The following SLC13A3 variants were observed in gnomAD, a reference collection of about 807,000 sequenced individuals.
SLC13A3 encodes solute carrier family 13 member 3, also known as Na(+)/dicarboxylate cotransporter 3.
A neutral mutation model predicts 59.0 loss-of-function variants in SLC13A3; 40 were observed. The observed-to-expected ratio is 0.68, with a 90% CI of 0.53 to 0.88. The LOEUF (loss-of-function observed/expected upper bound fraction) is 0.88. Among genes scored for constraint, SLC13A3 ranks in the 40% least tolerant of loss-of-function variants. SLC13A3 has a pLI of 0.00. For missense variants in SLC13A3, 699 were observed against 783.2 expected, an observed-to-expected ratio of 0.89 and a Z score of 1.28; for synonymous variants, 317 against 330.3, an observed-to-expected ratio of 0.96 and a Z score of 0.44.
intron 4 of SLC13A3, among the ~76,000 whole-genome samples, chr20:46,599,755 T>G (rs1357882661): frequency 6.6e-6 from 1 of 152,190 alleles, no homozygotes; most frequent in Non-Finnish European, 1.5e-5. Flanking sequence ...AGGGATTTAA[T>G]GTGCTGCCCT....
At chr20:46,659,825 G>T (rs1431681553) in intron 1 of SLC13A3, among the ~76,000 whole-genome samples, 1 of 149,518 alleles carries the variant, frequency 6.7e-6, no homozygotes, top group African/African-American at 2.5e-5. Context: ...TACTTTTATT[G>T]TCTTTTTAAA....
intron 1 of SLC13A3, among the ~76,000 whole-genome samples, chr20:46,657,341 C>G (rs2063000993): frequency 6.6e-6 from 1 of 151,524 alleles, no homozygotes. Context: ...CCACTGCATT[C>G]CAGCCTGGAT....
At chr20:46,599,910 C>A in intron 4 of SLC13A3, 61 bp downstream of exon 4, 1 of 1,307,832 alleles carries the variant, frequency 7.6e-7, no homozygotes, top group South Asian at 1.5e-5. Context: ...GCATTGAATT[C>A]TTGTTCATCA....
chr20:46,593,988 G>A (rs964204478), intron 5 of SLC13A3, among the ~76,000 whole-genome samples: 2 of 151,950 alleles, frequency 1.3e-5, no homozygotes, highest in Admixed American at 6.6e-5. Flanking sequence ...CCAATAAAAT[G>A]TATTTTGGCA....
At chr20:46,593,887 C>T (rs1037346472) in intron 5 of SLC13A3, among the ~76,000 whole-genome samples, 8 of 152,106 alleles carry the variant, frequency 5.3e-5, no homozygotes, top group Admixed American at 1.3e-4. Context: ...GTTAAAATAT[C>T]GACAGTGGGA....
chr20:46,559,808 C>T lies in SLC13A3; in HGVS notation c.*214G>A. On this transcript the variant is annotated 3_prime_UTR_variant, in exon 13 of 13. Coordinates refer to ENST00000279027, the MANE Select transcript of SLC13A3 (RefSeq NM_022829.6). ...GGAGCTTATTTCTCAGGCAGCAGAT[C>T]TGAGAGATACCTGGGCTTTGAACTG... 1.9e-6 allele frequency: 1 copy of T among 529,300 alleles called. No homozygotes were observed. The highest frequency in any genetic ancestry group is 1.9e-5 in the African/African-American group (1 of 52,900). 32.8% of individuals were successfully genotyped at this position (529,300 alleles called of 1,614,324 possible). A position where few individuals can be genotyped will look rare whatever the true frequency, so the allele number is the denominator to read the frequency against.
chr20:46,627,524 A>G (rs1347832310), intron 1 of SLC13A3, among the ~76,000 whole-genome samples: 1 of 152,120 alleles, frequency 6.6e-6, no homozygotes. Context: ...GGGTCCCGTG[A>G]TGCCAGCTCT....
At chr20:46,655,015 G>C (rs2062974072), upstream of SLC13A3, among the ~76,000 whole-genome samples, 1 of 152,104 alleles carries the variant, frequency 6.6e-6, no homozygotes, top group Non-Finnish European at 1.5e-5. Context: ...ATGGTCTCTG[G>C]TGAAAAATCT....
At chr20:46,644,066 C>T (rs1468151377) in intron 1 of SLC13A3, among the ~76,000 whole-genome samples, 1 of 152,060 alleles carries the variant, frequency 6.6e-6, no homozygotes, top group African/African-American at 2.4e-5. Flanking sequence ...AAAATAAAAA[C>T]ATTGATGACC....
intron 9 of SLC13A3, among the ~76,000 whole-genome samples, chr20:46,578,988 C>A (rs571762115): frequency 6.6e-6 from 1 of 152,248 alleles, no homozygotes; most frequent in East Asian, 1.9e-4. Context: ...ATTTGAATGA[C>A]CACAAAGGGT....
At chr20:46,620,670 G>T (rs1204645950) in intron 1 of SLC13A3, among the ~76,000 whole-genome samples, 1 of 152,074 alleles carries the variant, frequency 6.6e-6, no homozygotes, top group African/African-American at 2.4e-5. Flanking sequence ...ACATGGATCT[G>T]CAAGGAAAAA....
At chr20:46,590,585 A>T (rs1190916341) in intron 6 of SLC13A3, among the ~76,000 whole-genome samples, 3 of 152,216 alleles carry the variant, frequency 2.0e-5, no homozygotes, top group African/African-American at 7.2e-5. Flanking sequence ...CAAACCTATG[A>T]AAAGTTGCCC....
chr20:46,675,588 A>G (rs1378717428), intron 1 of SLC13A3, among the ~76,000 whole-genome samples: 2 of 128,710 alleles, frequency 1.6e-5, no homozygotes, highest in African/African-American at 3.0e-5. Context: ...TAGTTTGTTT[A>G]ATTTTGTTTT....
intron 1 of SLC13A3, among the ~76,000 whole-genome samples, chr20:46,666,347 T>C (rs922968740): frequency 6.6e-6 from 1 of 152,208 alleles, no homozygotes; most frequent in Non-Finnish European, 1.5e-5. Context: ...AGAAAAGGGT[T>C]TGGAGTCAGA....
chr20:46,619,080 T>C (rs1008420832), intron 1 of SLC13A3, among the ~76,000 whole-genome samples: 3 of 152,202 alleles, frequency 2.0e-5, no homozygotes, highest in Admixed American at 6.5e-5. Flanking sequence ...TGCCCCCAAA[T>C]TCCTTGCAGT....
upstream of SLC13A3, chr20:46,651,604 C>A: frequency 1.6e-6 from 2 of 1,245,776 alleles, no homozygotes; most frequent in Non-Finnish European, 2.0e-6. Flanking sequence ...GGCCCGGGAA[C>A]GTTGGAGAAA....
At chr20:46,633,080 T>C (rs1351255841) in intron 1 of SLC13A3, among the ~76,000 whole-genome samples, 2 of 152,144 alleles carry the variant, frequency 1.3e-5, no homozygotes, top group East Asian at 3.9e-4. Context: ...GCCCTCTTTA[T>C]GTTAGAAGGT....
chr20:46,626,097 T>TTCTC (rs74176872), intron 1 of SLC13A3, among the ~76,000 whole-genome samples: 7,699 of 145,730 alleles, frequency 0.053, 463 homozygotes, highest in African/African-American at 0.15. Flanking sequence ...CAAAGCTGTA[T>TTCTC]TCTCTCTCTC....
At chr20:46,598,133 T>C (rs1453510527) in intron 4 of SLC13A3, among the ~76,000 whole-genome samples, 1 of 152,228 alleles carries the variant, frequency 6.6e-6, no homozygotes, top group African/African-American at 2.4e-5. Flanking sequence ...AAAAAATATT[T>C]ACTTAAAGAA....
Sources: allele counts gnomAD v4.1 joint callset (sites outside exome capture counted in the v4.1 genomes callset), GRCh38; gene constraint gnomAD v4.1.1; transcripts MANE v1.5; gene names NCBI Gene and HGNC (gene_info 2026-07-23, HGNC 2026-07-21).